The following GLI3 variants were observed in gnomAD, a reference collection of about 807,000 sequenced individuals.
The protein encoded by GLI3 is transcription activator GLI3.
A neutral mutation model predicts 100.8 loss-of-function variants in GLI3; 20 were observed. The ratio of observed to expected loss-of-function variants is 0.20; its 90% CI spans 0.14 to 0.29. GLI3 has a LOEUF of 0.29. GLI3 is among the 10% of genes least tolerant of loss of function. The pLI, the probability that GLI3 is intolerant of heterozygous loss-of-function variation, is 1.00. For synonymous variants in GLI3, 938 were observed against 860.5 expected (o/e 1.09, Z -1.58); for missense variants, 2,040 against 2,128.5 (o/e 0.96, Z 0.82).
chr7:42,212,168 G>A (rs1437852360), intron 2 of GLI3, among the ~76,000 whole-genome samples: 1 of 151,794 alleles, frequency 6.6e-6, no homozygotes, highest in Admixed American at 6.6e-5. Context: ...GTCATCTCTT[G>A]GCATGAAATG....
chr7:42,184,575 A>G (rs1787681265), intron 2 of GLI3, among the ~76,000 whole-genome samples: 1 of 152,216 alleles, frequency 6.6e-6, no homozygotes, highest in Non-Finnish European at 1.5e-5. Context: ...GGAAAAGCAC[A>G]ATAAATGTGA....
At chr7:42,184,888 G>A (rs761365760) in intron 2 of GLI3, among the ~76,000 whole-genome samples, 14 of 152,080 alleles carry the variant, frequency 9.2e-5, no homozygotes, top group Non-Finnish European at 1.5e-4. Flanking sequence ...TGGCACCTTC[G>A]TTGCATCCTG....
intron 1 of GLI3, among the ~76,000 whole-genome samples, chr7:42,225,104 T>C (rs1480013266): frequency 3.9e-5 from 6 of 152,186 alleles, no homozygotes; most frequent in African/African-American, 1.2e-4. Context: ...TAATTACTTT[T>C]TGTAATGGTC....
At chr7:42,134,156 T>C (rs1423577219) in intron 3 of GLI3, among the ~76,000 whole-genome samples, 1 of 151,748 alleles carries the variant, frequency 6.6e-6, no homozygotes, top group Non-Finnish European at 1.5e-5. Flanking sequence ...GTCTCAAAAG[T>C]CTTTTGTCCT....
chr7:42,113,383 G>A (rs1785765927), intron 3 of GLI3: 2 of 693,182 alleles, frequency 2.9e-6, no homozygotes, highest in East Asian at 2.8e-5. Context: ...GAGAAAGGCT[G>A]AGGGGGATGC....
At chr7:42,019,259 T>G (rs1273793537) in intron 10 of GLI3, among the ~76,000 whole-genome samples, 2 of 152,170 alleles carry the variant, frequency 1.3e-5, no homozygotes, top group Non-Finnish European at 2.9e-5. Context: ...ATTCCTCCTC[T>G]TAGAAAGCCT....
intron 3 of GLI3, among the ~76,000 whole-genome samples, chr7:42,091,446 C>T (rs1785216409): frequency 6.6e-6 from 1 of 152,196 alleles, no homozygotes; most frequent in African/African-American, 2.4e-5. Flanking sequence ...GCAGCAGGCC[C>T]CTAACCAGGC....
In GLI3 at chr7:42,174,249, G is replaced by A. The variant is rs139766019; in HGVS notation, c.125-25781C>T. On this transcript the variant is annotated intron_variant, in intron 2 of 14. Coordinates refer to ENST00000395925, the MANE Select transcript of GLI3 (RefSeq NM_000168.6). The stretch of plus-strand genomic sequence containing the variant: ...TCTGGGTAACTAATTTTGCTTTTCC[G>A]TCTGACTTATTCCACCTAAACCAGG... 2.1e-3 allele frequency among the ~76,000 whole-genome samples: 315 copies of A among 152,090 alleles called. 4 individuals carry two copies. The highest frequency in any genetic ancestry group is 7.4e-3 in the African/African-American group (305 of 41,490).
intron 4 of GLI3, among the ~76,000 whole-genome samples, chr7:42,056,877 AAGGCTG>A (rs1188213260): frequency 6.6e-6 from 1 of 151,806 alleles, no homozygotes; most frequent in Non-Finnish European, 1.5e-5. Flanking sequence ...AGCTACTTGC[AAGGCTG>A]AGGCTGCAGA....
chr7:42,117,285 T>C (rs1451926273), intron 3 of GLI3, among the ~76,000 whole-genome samples: 1 of 152,214 alleles, frequency 6.6e-6, no homozygotes, highest in Non-Finnish European at 1.5e-5. Flanking sequence ...TCTGGATTCC[T>C]GGATGCCTCT....
At chr7:42,020,487 G>C (rs1788904755) in intron 10 of GLI3, among the ~76,000 whole-genome samples, 1 of 152,040 alleles carries the variant, frequency 6.6e-6, no homozygotes, top group African/African-American at 2.4e-5. Flanking sequence ...CAACCATGAA[G>C]AATCATGAAT....
At chr7:42,044,283 T>A (rs933775437) in intron 6 of GLI3, among the ~76,000 whole-genome samples, 6 of 152,216 alleles carry the variant, frequency 3.9e-5, no homozygotes, top group Non-Finnish European at 8.8e-5. Context: ...CTACTCAAAG[T>A]CATACTGTTG....
chr7:42,067,777 A>G (rs998121254), intron 4 of GLI3, among the ~76,000 whole-genome samples: 1 of 152,170 alleles, frequency 6.6e-6, no homozygotes, highest in Non-Finnish European at 1.5e-5. Context: ...CCTTAAAAAA[A>G]AAGCCTTAAA....
intron 3 of GLI3, among the ~76,000 whole-genome samples, chr7:42,114,294 G>T (rs1003034183): frequency 3.8e-4 from 58 of 152,150 alleles, no homozygotes; most frequent in Non-Finnish European, 2.9e-5. Context: ...GTTTTATCTT[G>T]GCTTTCTGAT....
At chr7:42,195,776 T>A (rs1475047709) in intron 2 of GLI3, among the ~76,000 whole-genome samples, 2 of 152,320 alleles carry the variant, frequency 1.3e-5, no homozygotes, top group East Asian at 1.9e-4. Context: ...AGGACATACA[T>A]GAAAAATACC....
intron 2 of GLI3, among the ~76,000 whole-genome samples, chr7:42,218,946 C>T (rs892069079): frequency 1.3e-5 from 2 of 151,928 alleles, no homozygotes; most frequent in African/African-American, 2.4e-5. Context: ...ATTGAAAAGT[C>T]AGTATTTGCA....
At chr7:42,159,314 AG>A (rs1269231862) in intron 2 of GLI3, among the ~76,000 whole-genome samples, 1 of 152,170 alleles carries the variant, frequency 6.6e-6, no homozygotes, top group African/African-American at 2.4e-5. Flanking sequence ...TTACAGAAAA[AG>A]GAAAAAAGAC....
At chr7:42,180,288 AGTGGCCTGGACAAG>A (rs942100440) in intron 2 of GLI3, among the ~76,000 whole-genome samples, 4 of 152,218 alleles carry the variant, frequency 2.6e-5, no homozygotes, top group Non-Finnish European at 4.4e-5. Context: ...GAGGACCAAC[AGTGGCCTGGACAAG>A]GCAGCTTTTG....
intron 2 of GLI3, among the ~76,000 whole-genome samples, chr7:42,201,313 T>C (rs1057107086): frequency 6.6e-6 from 1 of 152,174 alleles, no homozygotes; most frequent in African/African-American, 2.4e-5. Flanking sequence ...AATAGAAACC[T>C]TGGGTAAGGA....
Sources: gnomAD v4.1 joint callset for allele counts (sites outside exome capture counted in the v4.1 genomes callset) on GRCh38, gnomAD v4.1.1 for gene constraint, MANE v1.5 for transcripts, NCBI Gene and HGNC (gene_info 2026-07-23, HGNC 2026-07-21) for gene names.